Variants in SH3D21 observed in about 807,000 individuals in gnomAD.
SH3D21 encodes the protein manchette microtubule inner protein 1.
In SH3D21, 83 loss-of-function variants were observed where a neutral mutation model predicts 82.1. That is an observed-to-expected ratio of 1.01 (90% confidence interval 0.85 to 1.21). The LOEUF (loss-of-function observed/expected upper bound fraction) is 1.21, where lower values mean the gene tolerates loss of function less well. SH3D21 is among the 50% of genes most tolerant of loss of function. The pLI is 0.00. For missense variants in SH3D21, 980 were observed against 962.1 expected (o/e 1.02, Z -0.25); for synonymous variants, 383 against 387.8 (o/e 0.99, Z 0.15).
chr1:36,312,186 G>A lies in SH3D21; in HGVS notation c.769+2596G>A, dbSNP rs569512717. Among the ~76,000 whole-genome samples the A allele has an allele frequency of 9.9e-5, 15 of 151,604 alleles. No homozygotes were observed. In the South Asian group the frequency reaches 1.3e-3, roughly 13 times the overall value. The stretch of plus-strand genomic sequence containing the variant: ...ACTACAGACGCCCGCTACCACGCCC[G>A]GCTAATTTTTTGTATTTTTAGTAGA... On this transcript the variant is annotated intron_variant, in intron 10 of 15. Transcript: ENST00000453908.
In SH3D21 at chr1:36,319,773, C is replaced by A. The variant is rs774541805; in HGVS notation, c.1110C>A (p.Asn370Lys). The A allele has an allele frequency of 2.5e-6, 4 of 1,611,886 alleles. No individual in the cohort carries two copies. The African/African-American group carries it at 5.4e-5, about 22-fold the overall frequency. The part of the protein sequence containing the change: ...ATPERPPAPE[N>K]APSSKKIPAP... ...CAGAGAGGCCCCCAGCTCCAGAGAA[C>A]GCCCCCAGCTCCAAGAAGATCCCGG... is the stretch of plus-strand genomic sequence containing the variant. Residue 370 changes from asparagine to lysine, a missense_variant, in exon 14 of 16, where the codon AAC becomes AAA. By Grantham distance (94) the Asn-to-Lys change is moderately conservative. Coordinates refer to ENST00000453908, the MANE Select transcript of SH3D21 (RefSeq NM_001162530.2).
Position 36,306,885 on chromosome 1 carries a change from C to A in SH3D21, c.206C>A (p.Pro69Gln). ...CGGGGCTCCGGAGAGGCGCGGAGGCCGCGCTGTGCGCGCCGCCGAGGTGAG... is the reference window on the plus strand; with the variant it reads ...CGGGGCTCCGGAGAGGCGCGGAGGCAGCGCTGTGCGCGCCGCCGAGGTGAG... ...TLRGSGEARR[P>Q]RCARRRGHPA... The change falls in exon 3 of 16, where the codon CCG (proline) becomes CAG (glutamine). Residue 69 changes from proline (P) to glutamine (Q), a missense_variant. Coordinates refer to ENST00000453908, the MANE Select transcript of SH3D21 (RefSeq NM_001162530.2). This position sits in a 1 kb window ranked among gnomAD's most constrained non-coding sequence, Gnocchi z 4.5. The A allele has an allele frequency of 7.7e-7, 1 of 1,306,522 alleles. No homozygotes were observed. 80.9% of individuals were successfully genotyped at this position (1,306,522 alleles called of 1,614,324 possible). A position where few individuals can be genotyped will look rare whatever the true frequency, so the allele number is the denominator to read the frequency against.
downstream of SH3D21, chr1:36,323,122 C>A (rs12738697): frequency 6.9e-7 from 1 of 1,443,236 alleles, no homozygotes; most frequent in African/African-American, 1.5e-5. Flanking sequence ...ACCCCGACCC[C>A]TTCCGCGGGC....
At position 36,306,801 on chromosome 1, in the gene SH3D21, C is replaced by T. The variant is rs976339945; in HGVS notation, c.163-41C>T. On this transcript the variant is annotated intron_variant, in intron 2 of 15. Transcript: ENST00000453908. This position sits in a 1 kb window ranked among gnomAD's most constrained non-coding sequence, Gnocchi z 4.5. The stretch of plus-strand genomic sequence containing the variant: ...GGCTGTGGGGTCTCAGCGCGCGCCC[C>T]CCGGGAGCTGAGAGCGCCTTCCCCG... 1.7e-5 allele frequency: 22 copies of T among 1,292,176 alleles called. No individual in the cohort carries two copies. In the African/African-American group the frequency reaches 3.1e-4, roughly 18 times the overall value. 80.0% of individuals were successfully genotyped at this position (1,292,176 alleles called of 1,614,324 possible).
chr1:36,316,381 C>T (rs1319399470), intron 10 of SH3D21, among the ~76,000 whole-genome samples: 3 of 152,286 alleles, frequency 2.0e-5, no homozygotes, highest in South Asian at 2.1e-4. Flanking sequence ...ATTACAGGCA[C>T]GCGCCACCAC....
At chr1:36,319,191 A>T in intron 11 of SH3D21, 27 bp downstream of exon 11, 1 of 1,549,762 alleles carries the variant, frequency 6.5e-7, no homozygotes, top group Non-Finnish European at 8.7e-7. Context: ...GGTTGGGGGA[A>T]GGAGGAGGGT....
chr1:36,329,625 T>C (rs1646574612), downstream of SH3D21, among the ~76,000 whole-genome samples: 1 of 152,068 alleles, frequency 6.6e-6, no homozygotes, highest in African/African-American at 2.4e-5. Flanking sequence ...CCCGCCCTTA[T>C]TCATGGAGCT....
In SH3D21 at chr1:36,320,452, G is replaced by C. The variant is rs138252243; in HGVS notation, c.1789G>C (p.Glu597Gln). 1.2e-6 allele frequency: 2 copies of C among 1,613,294 alleles called. No individual in the cohort carries two copies. The highest frequency in any genetic ancestry group is 2.2e-5 in the South Asian group (2 of 91,006). The change falls in exon 14 of 16, where the codon GAG becomes CAG. Residue 597 changes from glutamate to glutamine, a missense_variant. Transcript: ENST00000453908. ...TCCAGAGGAGGCACCTTCCAATGAC[G>C]AGAGGACCCCTGAAGAGGAGGCGCC... ...TLPEEAPSND[E>Q]RTPEEEAPPN...
At chr1:36,328,302 A>G (rs1055616901), downstream of SH3D21, 5 of 374,418 alleles carry the variant, frequency 1.3e-5, no homozygotes, top group South Asian at 3.9e-5. Flanking sequence ...GCCAAACTGA[A>G]GGCTTGCCCT....
chr1:36,313,967 A>ATTTTTTTTTTTTTTTTT (rs1207014644), intron 10 of SH3D21, among the ~76,000 whole-genome samples: 2 of 36,878 alleles, frequency 5.4e-5, no homozygotes, highest in Non-Finnish European at 1.3e-4. Flanking sequence ...TGCTGAACAT[A>ATTTTTTTTTTTTTTTTT]TTTTCTTTTT....
At chr1:36,320,867 C>T (rs374156501) in intron 14 of SH3D21, 48 bp from the exon 15 acceptor site, 3 of 1,551,270 alleles carry the variant, frequency 1.9e-6, no homozygotes, top group East Asian at 2.4e-5. Flanking sequence ...CAGCCCCTCA[C>T]CTCCAGCCCT....
rs779039359 is a variant in SH3D21, at chr1:36,319,847, A to C, written c.1184A>C (p.Lys395Thr). 9 of 1,613,916 alleles carry C rather than the reference A, an allele frequency of 5.6e-6. No homozygotes were observed. The highest frequency in any genetic ancestry group is 6.8e-6 in the Non-Finnish European group (8 of 1,179,926). ...GAGAAGACCCTCACTCTAGGGGACAAGGCCTCTATCCCAGGGAACTCCACC... is the reference window on the plus strand; with the variant it reads ...GAGAAGACCCTCACTCTAGGGGACACGGCCTCTATCCCAGGGAACTCCACC... ...SPEKTLTLGDKASIPGNSTSG... is the reference protein window; with the variant it reads ...SPEKTLTLGDTASIPGNSTSG... Residue 395 changes from lysine (K) to threonine (T), a missense_variant, in exon 14 of 16, where the codon AAG becomes ACG. Physicochemically the swap from Lys to Thr is moderately conservative, Grantham distance 78 (BLOSUM62 -1). Transcript: ENST00000453908.
At chr1:36,317,601 C>T (rs917671293) in intron 10 of SH3D21, among the ~76,000 whole-genome samples, 4 of 152,120 alleles carry the variant, frequency 2.6e-5, no homozygotes, top group Non-Finnish European at 2.9e-5. Flanking sequence ...TAACTCTTGT[C>T]GCCCAGGCTG....
At chr1:36,322,421 C>T (rs1243861640), downstream of SH3D21, 4 of 1,602,266 alleles carry the variant, frequency 2.5e-6, no homozygotes, top group South Asian at 1.1e-5. Context: ...GCTCCTCCAG[C>T]CGCTGCGCCC....
chr1:36,313,725 TG>T (rs771232916), intron 10 of SH3D21, among the ~76,000 whole-genome samples: 3 of 151,474 alleles, frequency 2.0e-5, no homozygotes, highest in Non-Finnish European at 4.4e-5. Context: ...CCACCACACC[TG>T]GCTAGTTTTT....
At position 36,320,050 on chromosome 1, in the gene SH3D21, C is replaced by G. The variant is rs747045028; in HGVS notation, c.1387C>G (p.Pro463Ala). ...VEESPALEAPPMDKVPNPKMA... is the reference protein window; with the variant it reads ...VEESPALEAPAMDKVPNPKMA... ...AGAGTCCCCTGCCCTAGAAGCCCCACCTATGGATAAAGTCCCTAATCCAAA... is the reference window on the plus strand; with the variant it reads ...AGAGTCCCCTGCCCTAGAAGCCCCAGCTATGGATAAAGTCCCTAATCCAAA... Residue 463 changes from proline to alanine, a missense_variant, in exon 14 of 16, where the codon CCT (proline) becomes GCT (alanine). Transcript: ENST00000453908. 8 of 1,613,984 alleles carry G rather than the reference C, an allele frequency of 5.0e-6. No individual in the cohort carries two copies. The highest frequency in any genetic ancestry group is 6.8e-6 in the Non-Finnish European group (8 of 1,180,028).
downstream of SH3D21, among the ~76,000 whole-genome samples, chr1:36,329,492 A>T (rs1376390373): frequency 3.3e-5 from 5 of 152,158 alleles, no homozygotes. Context: ...GTTGTGCAGG[A>T]TGTAGAATCT....
chr1:36,310,430 A>C (rs1330937172), intron 10 of SH3D21, among the ~76,000 whole-genome samples: 4 of 152,152 alleles, frequency 2.6e-5, no homozygotes, highest in African/African-American at 9.7e-5. Flanking sequence ...CCTGGCCAAC[A>C]TGGCAAAACC....
downstream of SH3D21, chr1:36,322,540 TGTCCTCCTC>T: frequency 6.2e-7 from 1 of 1,600,026 alleles, no homozygotes; most frequent in Non-Finnish European, 8.5e-7. Flanking sequence ...CGAGTCACCG[TGTCCTCCTC>T]GTCCTCGTCG....
Sources: allele counts gnomAD v4.1 joint callset (sites outside exome capture counted in the v4.1 genomes callset), GRCh38; gene constraint gnomAD v4.1.1; non-coding constraint Gnocchi (gnomAD v3.1); transcripts MANE v1.5; gene names NCBI Gene and HGNC (gene_info 2026-07-23, HGNC 2026-07-21).